The following PDCD1LG2 variants were observed in gnomAD, a reference collection of about 807,000 sequenced individuals.
PDCD1LG2 encodes B7 dendritic cell molecule.
Under a neutral mutation model 28.2 loss-of-function variants are expected in PDCD1LG2, and 32 were observed. The observed-to-expected ratio is 1.13, with a 90% CI of 0.86 to 1.52. The LOEUF (loss-of-function observed/expected upper bound fraction) is 1.52, where lower values mean the gene tolerates loss of function less well. Ranked by LOEUF, PDCD1LG2 falls within the 40% of genes most tolerant of loss-of-function variation. The probability of loss-of-function intolerance (pLI) is 0.00; values close to 1 mark genes in which losing one functional copy is unlikely to be tolerated. For synonymous variants in PDCD1LG2, 116 were observed against 120.2 expected (o/e 0.97, Z 0.23); for missense variants, 385 against 323.8 (o/e 1.19, Z -1.45).
At chr9:5,533,280 A>G (rs9299019) in intron 2 of PDCD1LG2, among the ~76,000 whole-genome samples, 64,359 of 151,958 alleles carry the variant, frequency 0.42, 15,294 homozygotes, top group African/African-American at 0.65. Context: ...TAATTTTGTC[A>G]TTTTTCACAC....
chr9:5,558,442 C>T (rs990446666), intron 5 of PDCD1LG2, among the ~76,000 whole-genome samples: 1 of 152,264 alleles, frequency 6.6e-6, no homozygotes, highest in African/African-American at 2.4e-5. Context: ...GTGGAGCCTG[C>T]CCACAAAACC....
intron 6 of PDCD1LG2, among the ~76,000 whole-genome samples, chr9:5,563,741 G>A (rs1447644785): frequency 6.6e-6 from 1 of 152,202 alleles, no homozygotes; most frequent in East Asian, 1.9e-4. Context: ...AGCAGCACAT[G>A]ATTGTGGGGG....
chr9:5,537,433 A>G (rs972447572), intron 3 of PDCD1LG2, among the ~76,000 whole-genome samples: 4 of 152,238 alleles, frequency 2.6e-5, no homozygotes, highest in African/African-American at 9.6e-5. Context: ...ATCAATATTC[A>G]TAACATTTTA....
chr9:5,541,219 A>C (rs1820680620), intron 3 of PDCD1LG2, among the ~76,000 whole-genome samples: 1 of 152,238 alleles, frequency 6.6e-6, no homozygotes. Context: ...ATCTTAAGGT[A>C]ATAAAAGCTA....
intron 4 of PDCD1LG2, among the ~76,000 whole-genome samples, chr9:5,549,924 C>A (rs1277748649): frequency 1.3e-5 from 2 of 152,196 alleles, no homozygotes; most frequent in Admixed American, 6.5e-5. Flanking sequence ...AATACCCCAA[C>A]TCATTCTCCT....
chr9:5,529,843 G>A (rs55935612), intron 2 of PDCD1LG2, among the ~76,000 whole-genome samples: 5 of 152,142 alleles, frequency 3.3e-5, no homozygotes, highest in Non-Finnish European at 5.9e-5. Flanking sequence ...GTTGGGGAAA[G>A]GATTTCTATG....
intron 2 of PDCD1LG2, among the ~76,000 whole-genome samples, chr9:5,523,443 G>A (rs929081563): frequency 2.0e-5 from 3 of 152,090 alleles, no homozygotes; most frequent in Non-Finnish European, 2.9e-5. Flanking sequence ...ATAACCTTTC[G>A]AAGAGCTTTC....
intron 5 of PDCD1LG2, among the ~76,000 whole-genome samples, chr9:5,559,593 C>T (rs1051423185): frequency 6.6e-6 from 1 of 152,202 alleles, no homozygotes; most frequent in African/African-American, 2.4e-5. Context: ...AGAGAAGGAA[C>T]ATTTTACAGC....
At chr9:5,555,354 T>C (rs1305622485) in intron 4 of PDCD1LG2, among the ~76,000 whole-genome samples, 1 of 151,980 alleles carries the variant, frequency 6.6e-6, no homozygotes, top group Non-Finnish European at 1.5e-5. Flanking sequence ...GAGGCGGAGG[T>C]TGCAGTGAGC....
At chr9:5,528,301 C>T (rs1056344919) in intron 2 of PDCD1LG2, among the ~76,000 whole-genome samples, 5 of 148,006 alleles carry the variant, frequency 3.4e-5, no homozygotes, top group Non-Finnish European at 6.0e-5. Flanking sequence ...CACACACACA[C>T]ATATTTTTTT....
chr9:5,559,095 G>A (rs1039490963), intron 5 of PDCD1LG2, among the ~76,000 whole-genome samples: 5 of 152,124 alleles, frequency 3.3e-5, no homozygotes, highest in South Asian at 2.1e-4. Flanking sequence ...TGAGTGTTCC[G>A]TTCCAGCTGT....
At chr9:5,521,406 C>T (rs182238346) in intron 1 of PDCD1LG2, among the ~76,000 whole-genome samples, 5 of 152,198 alleles carry the variant, frequency 3.3e-5, no homozygotes, top group Admixed American at 6.5e-5. Context: ...AACCCTCTTT[C>T]GTATATCAAT....
intron 1 of PDCD1LG2, among the ~76,000 whole-genome samples, chr9:5,522,236 G>A (rs1241839481): frequency 5.9e-5 from 9 of 152,162 alleles, no homozygotes; most frequent in Non-Finnish European, 7.3e-5. Context: ...TTCATGAGAC[G>A]TGCAGGTAAC....
intron 3 of PDCD1LG2, among the ~76,000 whole-genome samples, chr9:5,547,496 C>G (rs933591811): frequency 6.6e-6 from 1 of 152,108 alleles, no homozygotes; most frequent in Admixed American, 6.5e-5. Flanking sequence ...CTTCTAGTCT[C>G]TTGGAATATC....
intron 4 of PDCD1LG2, among the ~76,000 whole-genome samples, chr9:5,551,719 T>G (rs1816337676): frequency 6.6e-6 from 1 of 152,174 alleles, no homozygotes; most frequent in Non-Finnish European, 1.5e-5. Context: ...GAAGTGAGTG[T>G]AAGCCTAACT....
intron 1 of PDCD1LG2, among the ~76,000 whole-genome samples, chr9:5,513,023 C>A (rs1011336338): frequency 6.6e-6 from 1 of 152,150 alleles, no homozygotes; most frequent in African/African-American, 2.4e-5. Flanking sequence ...TACAGTGACC[C>A]CCTAATTGAG....
chr9:5,565,288 C>T (rs1816642775), intron 6 of PDCD1LG2, among the ~76,000 whole-genome samples: 1 of 152,164 alleles, frequency 6.6e-6, no homozygotes, highest in Non-Finnish European at 1.5e-5. Flanking sequence ...CTCAAGCTAT[C>T]TTCCCACCTC....
intron 6 of PDCD1LG2, among the ~76,000 whole-genome samples, chr9:5,565,053 A>C (rs866606804): frequency 8.5e-5 from 13 of 152,352 alleles, no homozygotes; most frequent in Admixed American, 5.9e-4. Context: ...AGGAAGAAAA[A>C]CATGAAGAGG....
chr9:5,545,183 G>C (rs72689418), intron 3 of PDCD1LG2, among the ~76,000 whole-genome samples: 23,192 of 152,218 alleles, frequency 0.15, 2,304 homozygotes, highest in East Asian at 0.27. Flanking sequence ...TTAAGGATAA[G>C]TATTGCTGTA....
Sources: gnomAD v4.1 joint callset for allele counts (sites outside exome capture counted in the v4.1 genomes callset) on GRCh38, gnomAD v4.1.1 for gene constraint, MANE v1.5 for transcripts, NCBI Gene and HGNC (gene_info 2026-07-23, HGNC 2026-07-21) for gene names.